Variants in PLXDC1 observed in about 807,000 individuals in gnomAD.
PLXDC1 encodes plexin domain containing 1.
PLXDC1 carries 39 observed loss-of-function variants against 61.3 expected under a neutral mutation model. That is an observed-to-expected ratio of 0.64 (90% confidence interval 0.49 to 0.83). The LOEUF is 0.83. Among genes scored for constraint, PLXDC1 ranks in the 40% least tolerant of loss-of-function variants. The pLI is 0.00. For synonymous variants in PLXDC1, 212 were observed against 254.5 expected (o/e 0.83, Z 1.59); for missense variants, 596 against 666.5 (o/e 0.89, Z 1.17).
intron 11 of PLXDC1, chr17:39,073,384 T>C (rs1207738659): frequency 1.3e-5 from 2 of 152,236 alleles, no homozygotes; most frequent in Non-Finnish European, 1.5e-5. Context: ...TTGAAAACAA[T>C]GAATTGATTC....
chr17:39,109,737 A>T (rs2143689428), intron 2 of PLXDC1, among the ~76,000 whole-genome samples: 1 of 152,296 alleles, frequency 6.6e-6, no homozygotes, highest in East Asian at 1.9e-4. Context: ...GGCATGGGGC[A>T]TAAGGGAGGA....
At chr17:39,134,611 G>A (rs1296647341) in intron 2 of PLXDC1, among the ~76,000 whole-genome samples, 1 of 144,732 alleles carries the variant, frequency 6.9e-6, no homozygotes, top group East Asian at 2.0e-4. Flanking sequence ...AGGCCACAGA[G>A]CAAGACTTTG....
Position 39,078,000 on chromosome 17 carries a change from C to T in PLXDC1, c.1099G>A (p.Ala367Thr). Residue 367 changes from alanine (A) to threonine (T), a missense_variant, in exon 11 of 14, where the codon GCC becomes ACC. Ala to Thr is a moderately conservative substitution (Grantham distance 58, BLOSUM62 0). Transcript: ENST00000315392. ...GGGCTGAAGGAAGTGTCAGGGGAGG[C>T]TGAGTCGTGGTCCTCATCCTGGAAG... The part of the protein sequence containing the change: ...EDFQDEDHDS[A>T]SPDTSFSPYD... The T allele has an allele frequency of 2.5e-6, 4 of 1,613,160 alleles. No individual in the cohort carries two copies. The highest frequency in any genetic ancestry group is 2.5e-6 in the Non-Finnish European group (3 of 1,179,416).
chr17:39,142,935 C>T (rs932070886), intron 1 of PLXDC1, among the ~76,000 whole-genome samples: 1 of 151,948 alleles, frequency 6.6e-6, no homozygotes, highest in African/African-American at 2.4e-5. Context: ...GTCAGGAATT[C>T]GAGACCAGCC....
intron 2 of PLXDC1, among the ~76,000 whole-genome samples, chr17:39,118,656 C>G (rs1451989965): frequency 6.6e-6 from 1 of 152,184 alleles, no homozygotes; most frequent in Non-Finnish European, 1.5e-5. Flanking sequence ...TGCCCCCAGA[C>G]CCGTAGGCCC....
intron 11 of PLXDC1, among the ~76,000 whole-genome samples, chr17:39,072,830 C>G (rs932592162): frequency 3.9e-5 from 6 of 152,176 alleles, no homozygotes; most frequent in African/African-American, 9.7e-5. Flanking sequence ...AGCCTGGAGA[C>G]TCCCTGGGGC....
At chr17:39,095,003 C>T (rs1183197974) in intron 7 of PLXDC1, among the ~76,000 whole-genome samples, 3 of 152,150 alleles carry the variant, frequency 2.0e-5, no homozygotes. Flanking sequence ...CAGATAGAGA[C>T]TCAGACTTTT....
chr17:39,072,701 C>CT lies in PLXDC1; in HGVS notation c.1187-217dup, dbSNP rs1386656771. On this transcript the variant is annotated intron_variant, in intron 11 of 13. Transcript: ENST00000315392. ...GAGCGGGGACTGGTGAGAGATGAGG[C>CT]TGGGAGTGGAGGGCCGGCTGCCTGG... The CT allele has an allele frequency of 2.7e-5, 16 of 581,940 alleles. 1 individual carries two copies. The Admixed American group carries it at 4.0e-4, about 15-fold the overall frequency. The allele number at this position is 581,940 out of a possible 1,614,324, so 36.0% of individuals were successfully genotyped here.
intron 2 of PLXDC1, among the ~76,000 whole-genome samples, chr17:39,128,344 A>G (rs1771661048): frequency 6.6e-6 from 1 of 151,082 alleles, no homozygotes; most frequent in South Asian, 2.1e-4. Context: ...CAGCCTCCTG[A>G]GTAACTAGGA....
intron 1 of PLXDC1, 74 bp from the exon 2 acceptor site, chr17:39,139,906 T>C: frequency 7.0e-7 from 1 of 1,422,078 alleles, no homozygotes; most frequent in Non-Finnish European, 9.5e-7. Context: ...AGCCCAGTTA[T>C]TCTGCAAGGG....
chr17:39,082,441 T>G (rs1336159815), intron 9 of PLXDC1, among the ~76,000 whole-genome samples: 15 of 152,040 alleles, frequency 9.9e-5, no homozygotes. Flanking sequence ...GGTGTGTGCC[T>G]GTAATCCTAG....
At chr17:39,093,589 G>A (rs1425105407) in intron 7 of PLXDC1, among the ~76,000 whole-genome samples, 1 of 151,898 alleles carries the variant, frequency 6.6e-6, no homozygotes, top group Non-Finnish European at 1.5e-5. Context: ...GGTGGCACGC[G>A]CCTGTAATCC....
At chr17:39,108,011 C>A in intron 5 of PLXDC1, 112 bp downstream of exon 5, 2 of 1,372,434 alleles carry the variant, frequency 1.5e-6, no homozygotes, top group Non-Finnish European at 2.1e-6. Context: ...TAGGTGGCTG[C>A]TTTGCCGTGG....
At chr17:39,089,027 G>A (rs542727480) in intron 7 of PLXDC1, among the ~76,000 whole-genome samples, 82 of 146,220 alleles carry the variant, frequency 5.6e-4, no homozygotes, top group Non-Finnish European at 8.9e-4. Flanking sequence ...AAGAAAGAAC[G>A]GAAAGAAAGA....
intron 7 of PLXDC1, among the ~76,000 whole-genome samples, chr17:39,100,860 G>A (rs4254363): frequency 6.6e-6 from 1 of 152,140 alleles, no homozygotes; most frequent in African/African-American, 2.4e-5. Context: ...AGCGCAGGGG[G>A]CTAAGGGGAG....
intron 2 of PLXDC1, among the ~76,000 whole-genome samples, chr17:39,113,504 G>T (rs1316898416): frequency 6.6e-6 from 1 of 152,090 alleles, no homozygotes; most frequent in Non-Finnish European, 1.5e-5. Context: ...CAGAACAAAG[G>T]TTACGCCCCT....
At chr17:39,141,784 T>C (rs966930820) in intron 1 of PLXDC1, among the ~76,000 whole-genome samples, 1 of 152,202 alleles carries the variant, frequency 6.6e-6, no homozygotes, top group African/African-American at 2.4e-5. Flanking sequence ...ACCGTGCACA[T>C]GGGTTCCAAT....
chr17:39,079,121 A>C lies in PLXDC1; in HGVS notation c.1033T>G (p.Tyr345Asp). Residue 345 changes from tyrosine (Y) to aspartate (D), a missense_variant, in exon 10 of 14, where the codon TAT becomes GAT. Tyr to Asp is a radical substitution (Grantham distance 160). Coordinates refer to ENST00000315392, the MANE Select transcript of PLXDC1 (RefSeq NM_020405.5). ...CTTCTCACCTCCTGTGCACAGCCAT[A>C]GTCCATCCACTCCTGGCGATAGCGG... ...FDRYRQEWMD[Y>D]GCAQEAEGRM... The C allele has an allele frequency of 1.9e-6, 3 of 1,613,834 alleles. No individual in the cohort carries two copies. In the African/African-American group the frequency reaches 4.0e-5, roughly 22 times the overall value.
chr17:39,114,059 A>G (rs187794035), intron 2 of PLXDC1, among the ~76,000 whole-genome samples: 124 of 152,274 alleles, frequency 8.1e-4, no homozygotes, highest in Non-Finnish European at 1.3e-3. Context: ...GAATGCAGAC[A>G]TGATGGCTGG....
Sources: gnomAD v4.1 joint callset for allele counts (sites outside exome capture counted in the v4.1 genomes callset) on GRCh38, gnomAD v4.1.1 for gene constraint, MANE v1.5 for transcripts, NCBI Gene and HGNC (gene_info 2026-07-23, HGNC 2026-07-21) for gene names.